LCN10: variants seen among roughly 807,000 people sequenced by gnomAD.
LCN10 encodes the protein lipocalin 10.
In LCN10, 18 loss-of-function variants were observed where a neutral mutation model predicts 25.1. The ratio of observed to expected loss-of-function variants is 0.72; its 90% CI spans 0.50 to 1.06. The LOEUF is 1.06. Among genes scored for constraint, LCN10 ranks in the 50% least tolerant of loss-of-function variants. The pLI, the probability that LCN10 is intolerant of heterozygous loss-of-function variation, is 0.00. For missense variants in LCN10, 257 were observed against 258.9 expected (o/e 0.99, Z 0.05); for synonymous variants, 130 against 116.7 (o/e 1.11, Z -0.73).
chr9:136,742,165 G>T, intron 1 of LCN10, 145 bp from the exon 2 acceptor site: 1 of 1,024,126 alleles, frequency 9.8e-7, no homozygotes, highest in Non-Finnish European at 1.4e-6. Flanking sequence ...CCTCGGTCCC[G>T]GCCACTCAAG....
Position 136,742,850 on chromosome 9 carries a change from C to T in LCN10, c.54G>A (p.Leu18=). 1 of 1,613,658 alleles carries T rather than the reference C, an allele frequency of 6.2e-7. No homozygotes were observed. Among genetic ancestry groups the T allele is most frequent in the South Asian group, 1.1e-5 (1 of 91,084 alleles). The change falls in exon 1 of 6, where the codon CTG becomes CTA. Residue 18 remains leucine (L), a synonymous_variant. Transcript: ENST00000497771. The part of the protein sequence containing the change: ...LALVLVLVLV[L]AAGSQVQEWY... ...ACTCCTGCACCTGGGACCCTGCAGC[C>T]AGCACTAGCACCAGCACCAGCACCA...
chr9:136,741,426 G>A (rs997000365), intron 2 of LCN10, 65 bp from the exon 3 acceptor site: 45 of 1,292,976 alleles, frequency 3.5e-5, no homozygotes, highest in Admixed American at 2.6e-4. Flanking sequence ...GCCAGCCACC[G>A]AGCCCCACCC....
intron 1 of LCN10, 160 bp from the exon 2 acceptor site, chr9:136,742,180 G>A (rs1430938944): frequency 3.5e-6 from 3 of 857,126 alleles, no homozygotes; most frequent in African/African-American, 3.4e-5. Context: ...CTCAAGCCCT[G>A]GCCACTGGAG....
chr9:136,742,694 C>T, intron 1 of LCN10, 93 bp downstream of exon 1: 1 of 1,467,856 alleles, frequency 6.8e-7, no homozygotes, highest in Non-Finnish European at 9.1e-7. Context: ...TGCTGGTAGC[C>T]CTGCTCCTGG....
intron 1 of LCN10, chr9:136,742,462 G>A (rs1044623445): frequency 6.9e-6 from 3 of 437,098 alleles, no homozygotes; most frequent in South Asian, 3.5e-5. Flanking sequence ...GGGCCCTCCC[G>A]CTACAGAATA....
Position 136,742,877 on chromosome 9 carries a change from C to CA in LCN10, c.26_27insT (p.Leu10AlafsTer43), listed in dbSNP as rs768785071. The CA allele has an allele frequency of 9.3e-6, 15 of 1,613,476 alleles. No homozygotes were observed. The highest frequency in any genetic ancestry group is 1.7e-5 in the Admixed American group (1 of 60,014). ...GCACTAGCACCAGCACCAGCACCAG[C>CA]GCCAGCACCAGCAGCCCCTGCCTCA... On this transcript the variant is annotated frameshift_variant, in exon 1 of 6. Transcript: ENST00000497771. LOFTEE classifies it high-confidence loss of function.
chr9:136,742,811 C>T lies in LCN10; in HGVS notation c.93G>A (p.Glu31=). Residue 31 remains glutamate, a synonymous_variant, in exon 1 of 6, where the codon GAG becomes GAA. Coordinates refer to ENST00000497771, the MANE Select transcript of LCN10 (RefSeq NM_001001712.3). ...CCTTGTTCCAGTTGAGGGCGTGGGA[C>T]TCCCTGGGGTACCACTCCTGCACCT... ...GSQVQEWYPR[E]SHALNWNKFS... 1 of 1,613,512 alleles carries T rather than the reference C, an allele frequency of 6.2e-7. No individual in the cohort carries two copies. Among genetic ancestry groups the T allele is most frequent in the Non-Finnish European group, 8.5e-7 (1 of 1,179,794 alleles).
Position 136,739,952 on chromosome 9 carries a change from T to C in LCN10, c.572A>G (p.Asp191Gly). 2 of 1,584,234 alleles carry C rather than the reference T, an allele frequency of 1.3e-6. No homozygotes were observed. Among genetic ancestry groups the C allele is most frequent in the South Asian group, 1.2e-5 (1 of 86,512 alleles). Residue 191 changes from aspartate to glycine, a missense_variant and splice_region_variant, in exon 5 of 6, where the codon GAC (aspartate) becomes GGC (glycine). Transcript: ENST00000497771. This position sits in a 1 kb window ranked among gnomAD's most constrained non-coding sequence, Gnocchi z 6.1. The part of the protein sequence containing the change: ...LSKAAVILPK[D>G]ASRTHTILP ...AAAGGGCTGAGGGCACAGCTTACCGTCTTTCGGGAGGATGACGGCGGCCTT... is the reference window on the plus strand; with the variant it reads ...AAAGGGCTGAGGGCACAGCTTACCGCCTTTCGGGAGGATGACGGCGGCCTT...
Position 136,740,339 on chromosome 9 carries a change from C to T in LCN10, c.476-291G>A. 1 of 498,332 alleles carries T rather than the reference C, an allele frequency of 2.0e-6. No individual in the cohort carries two copies. Among genetic ancestry groups the T allele is most frequent in the East Asian group, 3.6e-5 (1 of 27,522 alleles). 30.9% of individuals were successfully genotyped at this position (498,332 alleles called of 1,614,324 possible). On this transcript the variant is annotated intron_variant, in intron 4 of 5. Coordinates refer to ENST00000497771, the MANE Select transcript of LCN10 (RefSeq NM_001001712.3). This position sits in a 1 kb window ranked among gnomAD's most constrained non-coding sequence, Gnocchi z 5.3. ...CCCAGCTTGCTGCACCCTGAGCGTG[C>T]CCTGCCTCGACTGAGACCCCAGGAC...
In LCN10 at chr9:136,742,910, C is replaced by G; in HGVS notation, c.-7G>C. ...CCAGCAGCCCCTGCCTCATCTTCAC[C>G]CTCCTCCCTCAGCCGCCAAGGCCAG... On this transcript the variant is annotated 5_prime_UTR_variant, in exon 1 of 6. Transcript: ENST00000497771. 6.2e-7 allele frequency: 1 copy of G among 1,612,802 alleles called. No individual in the cohort carries two copies. Among genetic ancestry groups the G allele is most frequent in the Non-Finnish European group, 8.5e-7 (1 of 1,179,572 alleles).
intron 2 of LCN10, 39 bp from the exon 3 acceptor site, chr9:136,741,400 A>T: frequency 2.1e-6 from 3 of 1,455,332 alleles, no homozygotes. Flanking sequence ...AGACCAGGGA[A>T]CCCCTCCTCC....
At position 136,740,341 on chromosome 9, in the gene LCN10, C is replaced by T; in HGVS notation, c.476-293G>A. 1 of 495,540 alleles carries T rather than the reference C, an allele frequency of 2.0e-6. No homozygotes were observed. 30.7% of individuals were successfully genotyped at this position (495,540 alleles called of 1,614,324 possible). On this transcript the variant is annotated intron_variant, in intron 4 of 5. Coordinates refer to ENST00000497771, the MANE Select transcript of LCN10 (RefSeq NM_001001712.3). The surrounding 1 kb of genome is among the most constrained non-coding windows in gnomAD (Gnocchi z 5.3). ...CAGCTTGCTGCACCCTGAGCGTGCCCTGCCTCGACTGAGACCCCAGGACCC... is the reference window on the plus strand; with the variant it reads ...CAGCTTGCTGCACCCTGAGCGTGCCTTGCCTCGACTGAGACCCCAGGACCC...
intron 1 of LCN10, chr9:136,742,434 C>T (rs944119451): frequency 4.7e-6 from 2 of 421,420 alleles, no homozygotes; most frequent in African/African-American, 4.0e-5. Flanking sequence ...GCTCCCACGG[C>T]TCACTCAGCA....
At position 136,739,104 on chromosome 9, in the gene LCN10, G is replaced by C. The variant is rs936793533; in HGVS notation, c.*421C>G. Reference sequence around the variant, plus strand: ...AGCACGCTGCCTGGCACGTCATGGGGGCTCCTCCATGTTGGGTGGATATGC... The same window carrying C: ...AGCACGCTGCCTGGCACGTCATGGGCGCTCCTCCATGTTGGGTGGATATGC... On this transcript the variant is annotated 3_prime_UTR_variant, in exon 6 of 6. Coordinates refer to ENST00000497771, the MANE Select transcript of LCN10 (RefSeq NM_001001712.3). The surrounding 1 kb of genome is among the most constrained non-coding windows in gnomAD (Gnocchi z 6.1). The C allele has an allele frequency of 4.5e-5, 10 of 222,250 alleles. No homozygotes were observed. Among genetic ancestry groups the C allele is most frequent in the Non-Finnish European group, 8.2e-5 (9 of 109,814 alleles). 13.8% of individuals were successfully genotyped at this position (222,250 alleles called of 1,614,324 possible).
chr9:136,741,767 G>T, intron 2 of LCN10, 114 bp downstream of exon 2: 1 of 1,363,622 alleles, frequency 7.3e-7, no homozygotes, highest in South Asian at 1.5e-5. Context: ...GTGGGGGGAC[G>T]GTTCTTGTGG....
At chr9:136,741,836 C>T in intron 2 of LCN10, 45 bp downstream of exon 2, 1 of 1,561,044 alleles carries the variant, frequency 6.4e-7, no homozygotes, top group Non-Finnish European at 8.7e-7. Flanking sequence ...CAGCTCCCTC[C>T]TCCTGGAAGG....
intron 2 of LCN10, 100 bp from the exon 3 acceptor site, chr9:136,741,461 C>A: frequency 1.0e-6 from 1 of 957,930 alleles, no homozygotes. Flanking sequence ...CGCCCCTGCT[C>A]CCGTGGGACC....
At chr9:136,742,154 G>T in intron 1 of LCN10, 134 bp from the exon 2 acceptor site, 3 of 1,164,698 alleles carry the variant, frequency 2.6e-6, no homozygotes, top group East Asian at 2.6e-5. Flanking sequence ...CCCAGGTGCC[G>T]CCTCGGTCCC....
intron 1 of LCN10, 172 bp downstream of exon 1, chr9:136,742,615 A>C: frequency 5.2e-6 from 4 of 768,600 alleles, no homozygotes; most frequent in East Asian, 2.8e-5. Context: ...TTTGCCCTGC[A>C]ACTTGCGGGG....
Sources: gnomAD v4.1 joint callset for allele counts on GRCh38, gnomAD v4.1.1 for gene constraint, Gnocchi (gnomAD v3.1) non-coding constraint, MANE v1.5 for transcripts, NCBI Gene and HGNC (gene_info 2026-07-23, HGNC 2026-07-21) for gene names.